The following EPSTI1 variants were observed in gnomAD, a reference collection of about 807,000 sequenced individuals.
EPSTI1 encodes epithelial stromal interaction 1.
Under a neutral mutation model 49.9 loss-of-function variants are expected in EPSTI1, and 66 were observed. The observed-to-expected ratio is 1.32, with a 90% CI of 1.08 to 1.62. The LOEUF (loss-of-function observed/expected upper bound fraction) is 1.62, where lower values mean the gene tolerates loss of function less well. Ranked by LOEUF, EPSTI1 falls within the 40% of genes most tolerant of loss-of-function variation. The pLI is 0.00. For synonymous variants in EPSTI1, 137 were observed against 130.7 expected (o/e 1.05, Z -0.33); for missense variants, 394 against 365.5 (o/e 1.08, Z -0.64).
intron 6 of EPSTI1, among the ~76,000 whole-genome samples, chr13:42,948,078 G>T (rs35850470): frequency 0.15 from 23,282 of 152,270 alleles, 2,114 homozygotes; most frequent in Middle Eastern, 0.26. Flanking sequence ...CGGTGTTCCC[G>T]CAGCTGCCAG....
At chr13:42,942,590 C>T (rs1230812651) in intron 6 of EPSTI1, among the ~76,000 whole-genome samples, 3 of 149,636 alleles carry the variant, frequency 2.0e-5, no homozygotes, top group Non-Finnish European at 4.4e-5. Flanking sequence ...TAGTTCATAT[C>T]CCTGTCTCTT....
intron 10 of EPSTI1, among the ~76,000 whole-genome samples, chr13:42,891,799 A>G (rs944780666): frequency 2.0e-5 from 3 of 152,294 alleles, no homozygotes; most frequent in East Asian, 1.9e-4. Context: ...CAACAATCCA[A>G]TGGCCCCACC....
intron 5 of EPSTI1, among the ~76,000 whole-genome samples, chr13:42,956,864 G>A (rs2039289597): frequency 6.6e-6 from 1 of 152,192 alleles, no homozygotes; most frequent in African/African-American, 2.4e-5. Context: ...GAGAAAGTAA[G>A]AAGGAATAAT....
At chr13:42,973,682 T>C (rs1480061542) in intron 1 of EPSTI1, among the ~76,000 whole-genome samples, 1 of 152,234 alleles carries the variant, frequency 6.6e-6, no homozygotes, top group Non-Finnish European at 1.5e-5. Context: ...AATTTATTAA[T>C]GTTTTCAGCC....
At chr13:42,899,449 G>C (rs2037292127) in intron 9 of EPSTI1, among the ~76,000 whole-genome samples, 2 of 152,082 alleles carry the variant, frequency 1.3e-5, no homozygotes, top group South Asian at 4.1e-4. Context: ...ATAAAAGTGA[G>C]CTCCCCGCCC....
At chr13:42,974,312 G>A (rs1177369302) in intron 1 of EPSTI1, among the ~76,000 whole-genome samples, 1 of 150,904 alleles carries the variant, frequency 6.6e-6, no homozygotes, top group Admixed American at 6.6e-5. Flanking sequence ...CTCCAGCCTG[G>A]CCGATAACAG....
Position 42,900,339 on chromosome 13 carries a change from T to C in EPSTI1, c.786A>G (p.Arg262=). ...TGTGTTCAGTCTGGTGGATTTTGGC[T>C]CTTTCTTGCTCTTGCTGCTGCCGTT... ...ELKRQQQEQE[R]AKIHQTEHRR... is the part of the protein sequence containing the mutation. The change falls in exon 9 of 11, where the codon AGA becomes AGG. Residue 262 remains arginine (R), a synonymous_variant. Coordinates refer to ENST00000313624, the MANE Select transcript of EPSTI1 (RefSeq NM_033255.5). The C allele has an allele frequency of 6.2e-7, 1 of 1,613,804 alleles. No individual in the cohort carries two copies. Among genetic ancestry groups the C allele is most frequent in the Non-Finnish European group, 8.5e-7 (1 of 1,179,788 alleles).
chr13:42,938,132 A>C (rs2038626701), intron 6 of EPSTI1, among the ~76,000 whole-genome samples: 1 of 151,892 alleles, frequency 6.6e-6, no homozygotes, highest in Non-Finnish European at 1.5e-5. Flanking sequence ...TATTTGGTTT[A>C]GAAATACTGC....
At chr13:42,982,593 T>C (rs1208252566) in intron 1 of EPSTI1, among the ~76,000 whole-genome samples, 8 of 152,180 alleles carry the variant, frequency 5.3e-5, no homozygotes, top group African/African-American at 1.9e-4. Context: ...TCACCTGTCA[T>C]TTGTGAAAAG....
At chr13:42,905,116 A>C (rs975841163) in intron 8 of EPSTI1, among the ~76,000 whole-genome samples, 1 of 152,170 alleles carries the variant, frequency 6.6e-6, no homozygotes, top group Non-Finnish European at 1.5e-5. Context: ...TAACACAGAG[A>C]GATATAAAAG....
intron 9 of EPSTI1, among the ~76,000 whole-genome samples, chr13:42,897,805 A>G (rs2037238073): frequency 6.6e-6 from 1 of 152,168 alleles, no homozygotes; most frequent in African/African-American, 2.4e-5. Context: ...GTTTCTCTCA[A>G]TTCCTATCAA....
intron 6 of EPSTI1, among the ~76,000 whole-genome samples, chr13:42,933,269 T>C (rs1289043248): frequency 2.0e-5 from 3 of 151,406 alleles, no homozygotes; most frequent in African/African-American, 7.3e-5. Context: ...TCTACTATTT[T>C]TGTATCTTCT....
At chr13:42,979,608 GAA>G (rs2039952111) in intron 1 of EPSTI1, among the ~76,000 whole-genome samples, 1 of 141,808 alleles carries the variant, frequency 7.1e-6, no homozygotes, top group African/African-American at 2.6e-5. Flanking sequence ...AAAAAGAAAA[GAA>G]AAGAAATTTT....
At chr13:42,918,105 A>C (rs564933591) in intron 7 of EPSTI1, among the ~76,000 whole-genome samples, 51 of 152,306 alleles carry the variant, frequency 3.3e-4, no homozygotes, top group Non-Finnish European at 5.4e-4. Context: ...AATTTCAAGG[A>C]TGCATATTTT....
rs74062849 is a variant in EPSTI1, at chr13:42,926,529, T to C, written c.564-100A>G. ...TAACCTAGACTTATTTGGGTGATGA[T>C]TAAAATTATCTTCAGCAGAACAGAA... On this transcript the variant is annotated intron_variant, in intron 6 of 10. Coordinates refer to ENST00000313624, the MANE Select transcript of EPSTI1 (RefSeq NM_033255.5). 1.0e-5 allele frequency: 8 copies of C among 767,950 alleles called. No homozygotes were observed. The Middle Eastern group carries it at 9.4e-4, about 90-fold the overall frequency. 47.6% of individuals were successfully genotyped at this position (767,950 alleles called of 1,614,324 possible).
At chr13:42,958,346 G>C (rs1382742063) in intron 5 of EPSTI1, among the ~76,000 whole-genome samples, 1 of 152,140 alleles carries the variant, frequency 6.6e-6, no homozygotes, top group Non-Finnish European at 1.5e-5. Context: ...GAACCATAAT[G>C]CTTGGGACAG....
In EPSTI1 at chr13:42,987,955, T is replaced by A. The variant is rs1431148040; in HGVS notation, c.188+4023A>T. On this transcript the variant is annotated intron_variant, in intron 1 of 10. Transcript: ENST00000313624. ...AAGTCTCTACAATACTAATACGAAG[T>A]AGGCCACAAAAATGTTAAGATTAAC... Among the ~76,000 whole-genome samples, 6 of 152,182 alleles carry A rather than the reference T, an allele frequency of 3.9e-5. No homozygotes were observed. In the East Asian group the frequency reaches 1.2e-3, roughly 29 times the overall value.
At chr13:42,960,875 G>A (rs1295280084) in intron 5 of EPSTI1, among the ~76,000 whole-genome samples, 1 of 152,100 alleles carries the variant, frequency 6.6e-6, no homozygotes, top group Non-Finnish European at 1.5e-5. Flanking sequence ...GGACCTCTGT[G>A]ATTATATTGG....
chr13:42,893,416 G>T (rs186776004), intron 10 of EPSTI1, among the ~76,000 whole-genome samples: 1 of 152,198 alleles, frequency 6.6e-6, no homozygotes, highest in Non-Finnish European at 1.5e-5. Context: ...GGGAGCCTGA[G>T]GAACTTCCCA....
Sources: gnomAD v4.1 joint callset for allele counts (sites outside exome capture counted in the v4.1 genomes callset) on GRCh38, gnomAD v4.1.1 for gene constraint, MANE v1.5 for transcripts, NCBI Gene and HGNC (gene_info 2026-07-23, HGNC 2026-07-21) for gene names.